The following FHIP1B variants were observed in gnomAD, a reference collection of about 807,000 sequenced individuals.
FHIP1B encodes the protein FHF complex subunit HOOK interacting protein 1B.
FHIP1B carries 28 observed loss-of-function variants against 82.2 expected under a neutral mutation model. That is an observed-to-expected ratio of 0.34 (90% CI 0.25 to 0.47). FHIP1B has a LOEUF of 0.47. Among genes scored for constraint, FHIP1B ranks in the 20% least tolerant of loss-of-function variants. The pLI, the probability that FHIP1B is intolerant of heterozygous loss-of-function variation, is 1.00. For missense variants in FHIP1B, 1,110 were observed against 1,262.6 expected (o/e 0.88, Z 1.83); for synonymous variants, 585 against 516.1 (o/e 1.13, Z -1.81).
chr11:6,222,796 A>C lies in FHIP1B; in HGVS notation c.1023+15T>G, dbSNP rs1437959602. On this transcript the variant is annotated intron_variant, in intron 5 of 11. Coordinates refer to ENST00000449352, the MANE Select transcript of FHIP1B (RefSeq NM_001098794.2). ...AGCTTAGCCCCTTATATGCCTTGCCACCCATGACTCTCACCTTGTGCAAGG... is the reference window on the plus strand; with the variant it reads ...AGCTTAGCCCCTTATATGCCTTGCCCCCCATGACTCTCACCTTGTGCAAGG... 1.2e-6 allele frequency: 2 copies of C among 1,613,140 alleles called. No homozygotes were observed. The highest frequency in any genetic ancestry group is 4.5e-5 in the East Asian group (2 of 44,890).
At chr11:6,227,625 T>C (rs906548638) in intron 1 of FHIP1B, among the ~76,000 whole-genome samples, 39 of 152,146 alleles carry the variant, frequency 2.6e-4, no homozygotes, top group Non-Finnish European at 1.5e-4. Context: ...ATACTTGAGA[T>C]AATGAATAAA....
At position 6,228,108 on chromosome 11, in the gene FHIP1B, G is replaced by T. The variant is rs1590633825; in HGVS notation, c.-191-3401C>A. 5.9e-5 allele frequency among the ~76,000 whole-genome samples: 9 copies of T among 152,310 alleles called. No individual in the cohort carries two copies. In the South Asian group the frequency reaches 1.9e-3, roughly 32 times the overall value. ...CATGCCTGTAATCCCAGCACTTTGG[G>T]AGGCCAAGGCAGGTAGATCACTTGA... On this transcript the variant is annotated intron_variant, in intron 1 of 11. Coordinates refer to ENST00000449352, the MANE Select transcript of FHIP1B (RefSeq NM_001098794.2).
chr11:6,213,699 CA>C (rs895532841), intron 11 of FHIP1B, among the ~76,000 whole-genome samples: 31 of 152,150 alleles, frequency 2.0e-4, no homozygotes, highest in African/African-American at 7.2e-4. Flanking sequence ...TACCACTCAC[CA>C]AACTCCACCA....
Position 6,218,692 on chromosome 11 carries a change from C to T in FHIP1B, c.1343G>A (p.Arg448Gln), listed in dbSNP as rs1847321629. The change falls in exon 8 of 12, where the codon CGA (arginine) becomes CAA (glutamine). Residue 448 changes from arginine (R) to glutamine (Q), a missense_variant. Physicochemically the swap from Arg to Gln is conservative, Grantham distance 43. This residue lies in a region of FHIP1B where 467 missense variants were observed against 602.9 expected (regional missense o/e 0.77). Coordinates refer to ENST00000449352, the MANE Select transcript of FHIP1B (RefSeq NM_001098794.2). ...PAVRDVDLYG[R>Q]AADKFLSLIP... The stretch of plus-strand genomic sequence containing the variant: ...TAGGGAGAGAAACTTGTCAGCTGCT[C>T]GTCCATATAGGTCCACATCACGAAC... 4 of 1,614,114 alleles carry T rather than the reference C, an allele frequency of 2.5e-6. No individual in the cohort carries two copies. Among genetic ancestry groups the T allele is most frequent in the Non-Finnish European group, 3.4e-6 (4 of 1,180,010 alleles).
In FHIP1B at chr11:6,211,813, G is replaced by A; in HGVS notation, c.2612C>T (p.Pro871Leu). The part of the protein sequence containing the change: ...GELLLRHAHS[P>L]TRARQAAQLV... ...TTGTGCCGCCTGCCGGGCCCTGGTT[G>A]GACTGTGTGCATGCCGCAGGAGTAA... is the stretch of plus-strand genomic sequence containing the variant. The change falls in exon 12 of 12, where the codon CCA becomes CTA. Residue 871 changes from proline (P) to leucine (L), a missense_variant. Pro to Leu is a moderately conservative substitution (Grantham distance 98). This residue lies in a region of FHIP1B where 147 missense variants were observed against 154.0 expected (regional missense o/e 0.95). Transcript: ENST00000449352. The A allele has an allele frequency of 1.2e-6, 2 of 1,610,660 alleles. No homozygotes were observed. Among genetic ancestry groups the A allele is most frequent in the Non-Finnish European group, 1.7e-6 (2 of 1,178,500 alleles).
In FHIP1B at chr11:6,214,713, T is replaced by G; in HGVS notation, c.2394+20A>C. On this transcript the variant is annotated intron_variant, in intron 10 of 11. Transcript: ENST00000449352. ...CCACCACGGAGCCTGGACGCACCCA[T>G]GCATGCATGCATCGCACACCTGCAG... 1.3e-6 allele frequency: 2 copies of G among 1,554,430 alleles called. No individual in the cohort carries two copies. The highest frequency in any genetic ancestry group is 1.7e-6 in the Non-Finnish European group (2 of 1,146,810).
intron 1 of FHIP1B, among the ~76,000 whole-genome samples, chr11:6,231,464 ATTTT>A (rs1301183095): frequency 7.2e-6 from 1 of 138,652 alleles, no homozygotes; most frequent in African/African-American, 2.7e-5. Context: ...ATTATGATAT[ATTTT>A]CTTTTTTTTT....
Position 6,218,676 on chromosome 11 carries a change from A to C in FHIP1B, c.1359T>G (p.Phe453Leu). The change falls in exon 8 of 12, where the codon TTT (phenylalanine) becomes TTG (leucine). Residue 453 changes from phenylalanine (F) to leucine (L), a missense_variant. Around this residue, in one of 6 missense-constraint regions of FHIP1B, gnomAD observed 467 missense variants for 602.9 expected, o/e 0.77. Transcript: ENST00000449352. Reference sequence around the variant, plus strand: ...GACAACAGCGTGGGATTAGGGAGAGAAACTTGTCAGCTGCTCGTCCATATA... The same window carrying C: ...GACAACAGCGTGGGATTAGGGAGAGCAACTTGTCAGCTGCTCGTCCATATA... ...VDLYGRAADK[F>L]LSLIPRCCRH... The C allele has an allele frequency of 6.2e-7, 1 of 1,614,144 alleles. No individual in the cohort carries two copies. The highest frequency in any genetic ancestry group is 8.5e-7 in the Non-Finnish European group (1 of 1,180,020).
chr11:6,227,860 A>G (rs1381578384), intron 1 of FHIP1B, among the ~76,000 whole-genome samples: 1 of 152,228 alleles, frequency 6.6e-6, no homozygotes, highest in Non-Finnish European at 1.5e-5. Context: ...ACGATGATCT[A>G]GACATCAAAG....
rs373859617 is a variant in FHIP1B at position 6,211,720 on chromosome 11, G to C, written c.2705C>G (p.Thr902Ser). The change falls in exon 12 of 12, where the codon ACT (threonine) becomes AGT (serine). Residue 902 changes from threonine (T) to serine (S), a missense_variant. Coordinates refer to ENST00000449352, the MANE Select transcript of FHIP1B (RefSeq NM_001098794.2). ...CCCGCCCCGGGTGAGTAGAACTGGAGTTGAAGCCCCAGGGGAGCCCCCACT... is the reference window on the plus strand; with the variant it reads ...CCCGCCCCGGGTGAGTAGAACTGGACTTGAAGCCCCAGGGGAGCCCCCACT... ...GLSGGSPGAS[T>S]PVLLTRGGAP... 6.2e-7 allele frequency: 1 copy of C among 1,614,128 alleles called. No individual in the cohort carries two copies. The highest frequency in any genetic ancestry group is 1.3e-5 in the African/African-American group (1 of 74,964).
Position 6,220,419 on chromosome 11 carries a change from T to C in FHIP1B, c.1192-1369A>G, listed in dbSNP as rs547767204. Reference sequence around the variant, plus strand: ...CGAGATCCAGGTCATACATATGACCTACAAAACTGTAAGACAATAAATCTG... The same window carrying C: ...CGAGATCCAGGTCATACATATGACCCACAAAACTGTAAGACAATAAATCTG... On this transcript the variant is annotated intron_variant, in intron 6 of 11. Transcript: ENST00000449352. Among the ~76,000 whole-genome samples the C allele has an allele frequency of 2.6e-5, 4 of 152,346 alleles. No homozygotes were observed. The South Asian group carries it at 8.3e-4, about 32-fold the overall frequency.
intron 9 of FHIP1B, chr11:6,216,889 C>A: frequency 1.7e-6 from 1 of 592,520 alleles, no homozygotes; most frequent in Non-Finnish European, 3.0e-6. Context: ...AGAAAAATAC[C>A]AGAAGGTTAA....
Position 6,224,256 on chromosome 11 carries a change from A to G in FHIP1B, c.139-8T>C, listed in dbSNP as rs1377547307. On this transcript the variant is annotated splice_region_variant and splice_polypyrimidine_tract_variant and intron_variant, in intron 2 of 11. Transcript: ENST00000449352. ...CTCCAGGATTCGCACCACCTAGGGA[A>G]AAAGGACAGAAGATGGAAGGAATCT... 1 of 1,612,016 alleles carries G rather than the reference A, an allele frequency of 6.2e-7. No homozygotes were observed. Among genetic ancestry groups the G allele is most frequent in the East Asian group, 2.2e-5 (1 of 44,870 alleles).
At chr11:6,224,346 G>C (rs1418263369) in intron 2 of FHIP1B, 33 bp downstream of exon 2, 2 of 1,614,120 alleles carry the variant, frequency 1.2e-6, no homozygotes, top group African/African-American at 2.7e-5. Context: ...CAGGTGATCA[G>C]CAGACAAGGC....
At chr11:6,222,248 T>A (rs1255288370) in intron 6 of FHIP1B, among the ~76,000 whole-genome samples, 194 bp downstream of exon 6, 1 of 152,178 alleles carries the variant, frequency 6.6e-6, no homozygotes, top group Admixed American at 6.5e-5. Flanking sequence ...TCATCTATCA[T>A]AAAAGCAGGG....
chr11:6,214,584 C>T lies in FHIP1B; in HGVS notation c.2395-11G>A. ...CACAGAGCCCAGCACCTATGAAGCA[C>T]ACCTTCGTGACATTTCTGAGCAGCT... On this transcript the variant is annotated splice_polypyrimidine_tract_variant and intron_variant, in intron 10 of 11. Coordinates refer to ENST00000449352, the MANE Select transcript of FHIP1B (RefSeq NM_001098794.2). 3 of 1,606,010 alleles carry T rather than the reference C, an allele frequency of 1.9e-6. No homozygotes were observed. The highest frequency in any genetic ancestry group is 1.1e-5 in the South Asian group (1 of 89,970).
At chr11:6,227,666 A>G (rs1210849417) in intron 1 of FHIP1B, among the ~76,000 whole-genome samples, 2 of 152,256 alleles carry the variant, frequency 1.3e-5, no homozygotes, top group Non-Finnish European at 2.9e-5. Flanking sequence ...TTCAAGAGTT[A>G]GCAGCTTATA....
At chr11:6,212,828 C>T (rs767729761) in intron 11 of FHIP1B, among the ~76,000 whole-genome samples, 21 of 152,202 alleles carry the variant, frequency 1.4e-4, no homozygotes, top group Non-Finnish European at 2.8e-4. Flanking sequence ...TTTGCATCCA[C>T]ATCTATCATC....
At chr11:6,218,267 C>G (rs1041322584) in intron 8 of FHIP1B, 117 bp from the exon 9 acceptor site, 2 of 1,389,148 alleles carry the variant, frequency 1.4e-6, no homozygotes, top group African/African-American at 2.9e-5. Context: ...GGAATCTATT[C>G]AGACAGCTAA....
Sources: allele counts gnomAD v4.1 joint callset (sites outside exome capture counted in the v4.1 genomes callset), GRCh38; gene constraint gnomAD v4.1.1; regional missense constraint gnomAD v4.1.1; transcripts MANE v1.5; gene names NCBI Gene and HGNC (gene_info 2026-07-23, HGNC 2026-07-21).